Variants in GRM7 observed in about 807,000 individuals in gnomAD.
GRM7 encodes metabotropic glutamate receptor 7.
Under a neutral mutation model 84.5 loss-of-function variants are expected in GRM7, and 35 were observed. The observed-to-expected ratio is 0.41, with a 90% CI of 0.32 to 0.55. The LOEUF is 0.55. Ranked by LOEUF, GRM7 falls within the 20% of genes least tolerant of loss-of-function variation. The pLI is 0.19. For synonymous variants in GRM7, 487 were observed against 455.1 expected, an observed-to-expected ratio of 1.07 and a Z score of -0.89; for missense variants, 1,003 against 1,194.6, an observed-to-expected ratio of 0.84 and a Z score of 2.36.
At chr3:7,735,804 T>G (rs1322038892) in intron 9 of GRM7, among the ~76,000 whole-genome samples, 1 of 152,164 alleles carries the variant, frequency 6.6e-6, no homozygotes, top group African/African-American at 2.4e-5. Context: ...AAGAGAATTT[T>G]TTCTTGGAGA....
chr3:6,927,000 G>A (rs1697321222), intron 1 of GRM7, among the ~76,000 whole-genome samples: 1 of 152,200 alleles, frequency 6.6e-6, no homozygotes, highest in Non-Finnish European at 1.5e-5. Context: ...CATGGAAGCA[G>A]CCCGCATCTT....
chr3:7,225,721 T>C (rs1031305317), intron 2 of GRM7, among the ~76,000 whole-genome samples: 3 of 151,856 alleles, frequency 2.0e-5, no homozygotes, highest in African/African-American at 7.2e-5. Context: ...TAAGTAGAAG[T>C]ACAATAGTTT....
intron 4 of GRM7, among the ~76,000 whole-genome samples, chr3:7,323,355 T>A (rs1328335101): frequency 1.3e-5 from 2 of 152,074 alleles, no homozygotes; most frequent in East Asian, 3.9e-4. Flanking sequence ...TAGCAGCCCC[T>A]CTCCACCCCA....
At chr3:7,587,173 A>G (rs1223840365) in intron 8 of GRM7, among the ~76,000 whole-genome samples, 1 of 152,174 alleles carries the variant, frequency 6.6e-6, no homozygotes, top group African/African-American at 2.4e-5. Flanking sequence ...ATTGCTTTTT[A>G]CAGAAACCCT....
At chr3:6,970,215 CTT>C (rs1349048165) in intron 1 of GRM7, among the ~76,000 whole-genome samples, 1 of 151,660 alleles carries the variant, frequency 6.6e-6, no homozygotes, top group African/African-American at 2.4e-5. Flanking sequence ...TGCTCCAAGA[CTT>C]TCCCTTCCGA....
chr3:7,187,350 T>C (rs971006662), intron 2 of GRM7, among the ~76,000 whole-genome samples: 1 of 152,354 alleles, frequency 6.6e-6, no homozygotes, highest in Admixed American at 6.5e-5. Context: ...GTAGCACATG[T>C]AACCTTATAT....
intron 8 of GRM7, among the ~76,000 whole-genome samples, chr3:7,652,896 C>A (rs1453236250): frequency 6.6e-6 from 1 of 152,096 alleles, no homozygotes; most frequent in African/African-American, 2.4e-5. Context: ...TTTATGATCC[C>A]ATTTCATCCT....
rs1693171419 is a variant in GRM7 at position 6,958,713 on chromosome 3, T to C, written c.519+96806T>C. 2.0e-5 allele frequency among the ~76,000 whole-genome samples: 3 copies of C among 152,188 alleles called. No individual in the cohort carries two copies. The South Asian group carries it at 6.2e-4, about 31-fold the overall frequency. On this transcript the variant is annotated intron_variant, in intron 1 of 9. Coordinates refer to ENST00000357716, the MANE Select transcript of GRM7 (RefSeq NM_000844.4). ...ACTTTCCTAAGAACTAATATGGATG[T>C]TACCAATTTCATACCCTAAAATCCA...
intron 1 of GRM7, among the ~76,000 whole-genome samples, chr3:7,030,918 A>G (rs1241043891): frequency 6.6e-6 from 1 of 152,224 alleles, no homozygotes; most frequent in Non-Finnish European, 1.5e-5. Flanking sequence ...TTGAAGTGTA[A>G]TGTTAAAACA....
intron 7 of GRM7, among the ~76,000 whole-genome samples, chr3:7,568,813 G>A (rs909809763): frequency 4.6e-5 from 7 of 152,212 alleles, no homozygotes; most frequent in South Asian, 2.1e-4. Flanking sequence ...ATTTCTTGCC[G>A]GGCCTTAGCT....
chr3:7,705,547 A>C (rs1440156966), intron 9 of GRM7, among the ~76,000 whole-genome samples: 7 of 152,240 alleles, frequency 4.6e-5, no homozygotes, highest in Non-Finnish European at 8.8e-5. Flanking sequence ...ATTATGAAAC[A>C]AAGCTACAGA....
At chr3:7,563,359 C>A (rs577277405) in intron 7 of GRM7, among the ~76,000 whole-genome samples, 2 of 152,190 alleles carry the variant, frequency 1.3e-5, no homozygotes, top group East Asian at 1.9e-4. Context: ...CCTAAAAGTT[C>A]TTTCTTAGGA....
intron 4 of GRM7, among the ~76,000 whole-genome samples, chr3:7,399,837 A>C (rs1352779637): frequency 6.6e-6 from 1 of 152,154 alleles, no homozygotes; most frequent in Non-Finnish European, 1.5e-5. Context: ...GACTGAAGCC[A>C]TCACCAGAAG....
intron 6 of GRM7, among the ~76,000 whole-genome samples, chr3:7,457,461 G>A (rs985694467): frequency 3.3e-5 from 5 of 152,104 alleles, no homozygotes; most frequent in Non-Finnish European, 5.9e-5. Flanking sequence ...GTAATTTGGT[G>A]TCTTGATTGT....
chr3:7,202,029 A>T (rs1343358518), intron 2 of GRM7, among the ~76,000 whole-genome samples: 1 of 152,040 alleles, frequency 6.6e-6, no homozygotes, highest in East Asian at 1.9e-4. Flanking sequence ...AGGAACTTTA[A>T]TGCATCATTT....
chr3:7,067,564 T>C (rs1384119834), intron 1 of GRM7, among the ~76,000 whole-genome samples: 1 of 151,794 alleles, frequency 6.6e-6, no homozygotes, highest in Non-Finnish European at 1.5e-5. Flanking sequence ...TGCTCATGGA[T>C]TTGCTGTTTT....
At chr3:6,947,046 C>T (rs927048728) in intron 1 of GRM7, among the ~76,000 whole-genome samples, 1 of 152,150 alleles carries the variant, frequency 6.6e-6, no homozygotes, top group South Asian at 2.1e-4. Flanking sequence ...CCCTTTATTT[C>T]CTTATCCTGC....
chr3:7,655,849 G>A (rs1030593803), intron 8 of GRM7, among the ~76,000 whole-genome samples: 2 of 152,108 alleles, frequency 1.3e-5, no homozygotes, highest in Non-Finnish European at 2.9e-5. Flanking sequence ...AATTTTGGAC[G>A]TGTGGAAAAA....
chr3:6,936,438 C>G (rs193279334), intron 1 of GRM7, among the ~76,000 whole-genome samples: 5 of 152,312 alleles, frequency 3.3e-5, no homozygotes, highest in Non-Finnish European at 7.4e-5. Context: ...CAGTCATGCT[C>G]TCTCCAACTA....
Sources: allele counts gnomAD v4.1 joint callset (sites outside exome capture counted in the v4.1 genomes callset), GRCh38; gene constraint gnomAD v4.1.1; transcripts MANE v1.5; gene names NCBI Gene and HGNC (gene_info 2026-07-23, HGNC 2026-07-21).